The following CNTN1 variants were observed in gnomAD, a reference collection of about 807,000 sequenced individuals.
CNTN1 encodes contactin 1, also known as contactin-1.
A neutral mutation model predicts 126.4 loss-of-function variants in CNTN1; 38 were observed. The observed-to-expected ratio is 0.30, with a 90% CI of 0.23 to 0.39. The LOEUF is 0.39. Among genes scored for constraint, CNTN1 ranks in the 10% least tolerant of loss-of-function variants. The pLI is 1.00. For missense variants in CNTN1, 1,009 were observed against 1,248.4 expected (o/e 0.81, Z 2.89); for synonymous variants, 413 against 422.6 (o/e 0.98, Z 0.28).
rs1030981697 is a variant in CNTN1, at chr12:40,937,421, C to T, written c.1111-149C>T. On this transcript the variant is annotated intron_variant, in intron 10 of 23. Transcript: ENST00000551295. Reference sequence around the variant, plus strand: ...GGTAAGTGGGTTTTCCTTTCCCATGCCATGAAAATCCCACTCAGTTCATCT... The same window carrying T: ...GGTAAGTGGGTTTTCCTTTCCCATGTCATGAAAATCCCACTCAGTTCATCT... 6.0e-6 allele frequency: 4 copies of T among 664,044 alleles called. No homozygotes were observed. In the African/African-American group the frequency reaches 7.2e-5, roughly 12 times the overall value. The allele number at this position is 664,044 out of a possible 1,614,324, so 41.1% of individuals were successfully genotyped here.
intron 22 of CNTN1, among the ~76,000 whole-genome samples, chr12:41,028,651 C>T (rs1165860910): frequency 6.6e-6 from 1 of 152,112 alleles, no homozygotes; most frequent in Non-Finnish European, 1.5e-5. Flanking sequence ...CTTTATATCA[C>T]ACACTATCAC....
intron 9 of CNTN1, 133 bp downstream of exon 9, chr12:40,934,011 T>G (rs1945990883): frequency 1.4e-6 from 1 of 736,392 alleles, no homozygotes; most frequent in Non-Finnish European, 2.3e-6. Context: ...TGGAGAAAGA[T>G]AAAATATTTC....
intron 7 of CNTN1, among the ~76,000 whole-genome samples, chr12:40,930,906 C>A (rs548688589): frequency 3.9e-5 from 6 of 152,076 alleles, no homozygotes; most frequent in African/African-American, 1.4e-4. Flanking sequence ...ATCTCACCCC[C>A]TACTTCATAG....
At position 40,938,249 on chromosome 12, in the gene CNTN1, T is replaced by A. The variant is rs1460011784; in HGVS notation, c.1228+562T>A. Among the ~76,000 whole-genome samples, 13 of 152,194 alleles carry A rather than the reference T, an allele frequency of 8.5e-5. 1 individual carries two copies. The highest frequency in any genetic ancestry group is 7.9e-4 in the Admixed American group (12 of 15,272). Reference sequence around the variant, plus strand: ...ATGACATCAATGAAGTAACCTTTTTTAAGCCTCTGTATTCTGTTCTAATAA... The same window carrying A: ...ATGACATCAATGAAGTAACCTTTTTAAAGCCTCTGTATTCTGTTCTAATAA... On this transcript the variant is annotated intron_variant, in intron 11 of 23. Transcript: ENST00000551295.
At chr12:40,875,716 T>C (rs939260301) in intron 1 of CNTN1, among the ~76,000 whole-genome samples, 1 of 152,124 alleles carries the variant, frequency 6.6e-6, no homozygotes, top group African/African-American at 2.4e-5. Flanking sequence ...TAGCTTATAG[T>C]AGATCATGGT....
rs148962940 is a variant in CNTN1, at chr12:40,770,541, T to G, written c.-77+77949T>G. On this transcript the variant is annotated intron_variant, in intron 1 of 23. Coordinates refer to ENST00000551295, the MANE Select transcript of CNTN1 (RefSeq NM_001843.4). ...GGATGTGTGTATATGTGCATGTGTG[T>G]GAATGTGTGTATTTTCAATGCTTTA... Among the ~76,000 whole-genome samples the G allele has an allele frequency of 1.7e-4, 26 of 152,252 alleles. No homozygotes were observed. In the East Asian group the frequency reaches 4.8e-3, roughly 28 times the overall value.
chr12:40,699,830 G>C (rs11177887), intron 1 of CNTN1, among the ~76,000 whole-genome samples: 3,669 of 152,130 alleles, frequency 0.024, 148 homozygotes, highest in East Asian at 0.15. Context: ...GGACAAGTAA[G>C]ATGATCTTGC....
chr12:40,798,726 C>T (rs915168729), intron 1 of CNTN1, among the ~76,000 whole-genome samples: 1 of 151,864 alleles, frequency 6.6e-6, no homozygotes, highest in African/African-American at 2.4e-5. Flanking sequence ...ACAACAGACA[C>T]TGGGGCCCAC....
rs1235897432 is a variant in CNTN1 at position 40,959,100 on chromosome 12, G to A, written c.1684-14G>A. On this transcript the variant is annotated splice_polypyrimidine_tract_variant and intron_variant, in intron 14 of 23. Coordinates refer to ENST00000551295, the MANE Select transcript of CNTN1 (RefSeq NM_001843.4). ...AAATGTACTGATTTGAATAATTGCTGTTTTTGCTAACAGCTGGATTCCAAT... is the reference window on the plus strand; with the variant it reads ...AAATGTACTGATTTGAATAATTGCTATTTTTGCTAACAGCTGGATTCCAAT... 1.9e-6 allele frequency: 3 copies of A among 1,611,836 alleles called. No individual in the cohort carries two copies. The highest frequency in any genetic ancestry group is 2.7e-5 in the African/African-American group (2 of 74,812).
intron 1 of CNTN1, among the ~76,000 whole-genome samples, chr12:40,853,051 T>G (rs779098873): frequency 1.3e-5 from 2 of 152,138 alleles, no homozygotes; most frequent in Non-Finnish European, 2.9e-5. Context: ...CTTACTTATA[T>G]TCCATGACAT....
chr12:41,033,365 A>G (rs1949186594), intron 23 of CNTN1, among the ~76,000 whole-genome samples: 1 of 152,222 alleles, frequency 6.6e-6, no homozygotes, highest in South Asian at 2.1e-4. Flanking sequence ...TAATTTCCAT[A>G]AGCTAATTTG....
chr12:40,768,722 C>T (rs1592066013), intron 1 of CNTN1, among the ~76,000 whole-genome samples: 1 of 133,450 alleles, frequency 7.5e-6, no homozygotes, highest in Non-Finnish European at 1.5e-5. Context: ...CTCATTTTTA[C>T]AACAATGTTT....
chr12:41,048,964 A>C (rs1949610868), intron 23 of CNTN1, among the ~76,000 whole-genome samples: 1 of 152,188 alleles, frequency 6.6e-6, no homozygotes, highest in African/African-American at 2.4e-5. Context: ...ACACCCTGTC[A>C]AAACAGCTCT....
chr12:40,884,690 T>A (rs1275052216), intron 1 of CNTN1, among the ~76,000 whole-genome samples: 1 of 151,538 alleles, frequency 6.6e-6, no homozygotes, highest in Non-Finnish European at 1.5e-5. Context: ...TTTATTCATA[T>A]GTCATACATG....
chr12:40,791,716 G>A (rs1596525), intron 1 of CNTN1, among the ~76,000 whole-genome samples: 74,443 of 151,936 alleles, frequency 0.49, 19,377 homozygotes, highest in East Asian at 0.67. Flanking sequence ...ACAAGATAAC[G>A]TAGATGTCAC....
At chr12:40,836,013 T>TATATGTATGCATATATATATACAC (rs1942038050) in intron 1 of CNTN1, among the ~76,000 whole-genome samples, 1 of 150,760 alleles carries the variant, frequency 6.6e-6, no homozygotes, top group Non-Finnish European at 1.5e-5. Context: ...TGTGTGTATA[T>TATATGTATGCATATATATATACAC]ATGTATGCAT....
chr12:41,034,081 A>G (rs946376246), intron 23 of CNTN1, among the ~76,000 whole-genome samples: 3 of 152,038 alleles, frequency 2.0e-5, no homozygotes, highest in African/African-American at 7.2e-5. Context: ...TAATGATGTC[A>G]TGATGTCCTG....
chr12:40,930,491 A>G (rs1565974514), intron 7 of CNTN1, among the ~76,000 whole-genome samples: 1 of 151,988 alleles, frequency 6.6e-6, no homozygotes, highest in Non-Finnish European at 1.5e-5. Context: ...AATCTACATA[A>G]TCAGCATGAG....
chr12:41,052,010 T>C (rs1566223643), intron 23 of CNTN1, among the ~76,000 whole-genome samples: 1 of 151,490 alleles, frequency 6.6e-6, no homozygotes, highest in East Asian at 1.9e-4. Flanking sequence ...ATGTATTAAA[T>C]AGCAGACTCA....
Sources: allele counts gnomAD v4.1 joint callset (sites outside exome capture counted in the v4.1 genomes callset), GRCh38; gene constraint gnomAD v4.1.1; transcripts MANE v1.5; gene names NCBI Gene and HGNC (gene_info 2026-07-23, HGNC 2026-07-21).